STARD9: variants seen among roughly 807,000 people sequenced by gnomAD.
STARD9 encodes StAR related lipid transfer domain containing 9, also known as stAR-related lipid transfer protein 9.
Under a neutral mutation model 399.8 loss-of-function variants are expected in STARD9, and 346 were observed. The ratio of observed to expected loss-of-function variants is 0.87; its 90% CI spans 0.79 to 0.95. The LOEUF (loss-of-function observed/expected upper bound fraction) is 0.95. STARD9 is among the 40% of genes least tolerant of loss of function. The pLI, the probability that STARD9 is intolerant of heterozygous loss-of-function variation, is 0.00. For synonymous variants in STARD9, 2,203 were observed against 2,143.5 expected, an observed-to-expected ratio of 1.03 and a Z score of -0.77; for missense variants, 5,832 against 5,667.5, an observed-to-expected ratio of 1.03 and a Z score of -0.93.
intron 3 of STARD9, among the ~76,000 whole-genome samples, chr15:42,614,031 G>C (rs1331338292): frequency 6.6e-6 from 1 of 152,030 alleles, no homozygotes; most frequent in Non-Finnish European, 1.5e-5. Flanking sequence ...CAGTGTATCA[G>C]GCTGGGCACG....
intron 3 of STARD9, among the ~76,000 whole-genome samples, chr15:42,628,334 T>C (rs953422749): frequency 6.6e-6 from 1 of 152,216 alleles, no homozygotes; most frequent in South Asian, 2.1e-4. Context: ...TATTAATCCT[T>C]TGTCAGATGG....
At chr15:42,636,454 G>A (rs181169032) in intron 4 of STARD9, among the ~76,000 whole-genome samples, 21 of 152,096 alleles carry the variant, frequency 1.4e-4, no homozygotes, top group Middle Eastern at 3.4e-3. Context: ...GGTGGCGTGC[G>A]CCTGTAATCC....
chr15:42,693,160 C>G lies in STARD9; in HGVS notation c.11582C>G (p.Pro3861Arg), dbSNP rs897500466. ...TGCTTAGTTGTCAGCAGTCCCAGTC[C>G]CAGCTCCCCTCATTCCCCAGGGCTC... The part of the protein sequence containing the change: ...SYCLVVSSPS[P>R]SSPHSPGLFP... The change falls in exon 23 of 33, where the codon CCC (proline) becomes CGC (arginine). Residue 3861 changes from proline (P) to arginine (R), a missense_variant. This residue lies in a region of STARD9 where 5,828 missense variants were observed against 5,651.1 expected (regional missense o/e 1.03). Transcript: ENST00000290607. 1 of 1,537,166 alleles carries G rather than the reference C, an allele frequency of 6.5e-7. No homozygotes were observed. Among genetic ancestry groups the G allele is most frequent in the Non-Finnish European group, 8.7e-7 (1 of 1,146,902 alleles).
At chr15:42,670,416 G>A (rs1173564104) in intron 16 of STARD9, 1 of 152,218 alleles carries the variant, frequency 6.6e-6, no homozygotes, top group Non-Finnish European at 1.5e-5. Context: ...GATTGAAGTG[G>A]TTTTGAGAGT....
chr15:42,625,130 G>T (rs1296702520), intron 3 of STARD9, among the ~76,000 whole-genome samples: 1 of 150,904 alleles, frequency 6.6e-6, no homozygotes, highest in East Asian at 2.0e-4. Flanking sequence ...AGGTTCAAAC[G>T]ATTCTCCTGC....
At chr15:42,667,745 C>T (rs887806973) in intron 15 of STARD9, among the ~76,000 whole-genome samples, 1 of 152,190 alleles carries the variant, frequency 6.6e-6, no homozygotes, top group Non-Finnish European at 1.5e-5. Flanking sequence ...TCCCAAAGTG[C>T]TGGGATTACA....
intron 3 of STARD9, among the ~76,000 whole-genome samples, chr15:42,606,075 T>C (rs1009850712): frequency 1.3e-5 from 2 of 152,210 alleles, no homozygotes; most frequent in African/African-American, 4.8e-5. Context: ...CCAGCTTGCT[T>C]CAATGGGAAG....
intron 30 of STARD9, 63 bp from the exon 31 acceptor site, chr15:42,718,372 G>A: frequency 1.4e-6 from 2 of 1,402,896 alleles, no homozygotes; most frequent in Non-Finnish European, 1.9e-6. Flanking sequence ...TCCCTGACCA[G>A]GAAGGCTTTA....
At chr15:42,584,009 C>G (rs2058225047) in intron 2 of STARD9, among the ~76,000 whole-genome samples, 2 of 152,052 alleles carry the variant, frequency 1.3e-5, no homozygotes, top group Admixed American at 6.6e-5. Flanking sequence ...ACCCCTCAGT[C>G]TCCCTTAGGG....
In STARD9 at chr15:42,688,959, G is replaced by T; in HGVS notation, c.7381G>T (p.Asp2461Tyr). The change falls in exon 23 of 33, where the codon GAT becomes TAT. Residue 2461 changes from aspartate to tyrosine, a missense_variant. By Grantham distance (160) the Asp-to-Tyr change is radical. Around this residue, in one of 2 missense-constraint regions of STARD9, gnomAD observed 5,828 missense variants for 5,651.1 expected, o/e 1.03. Coordinates refer to ENST00000290607, the MANE Select transcript of STARD9 (RefSeq NM_020759.3). ...CTTGCTGGGTTTCAGTACCAGTGAA[G>T]ATTTTGCTTCTGAAGCCGAGGTGGC... is the stretch of plus-strand genomic sequence containing the variant. The part of the protein sequence containing the change: ...ITLLGFSTSE[D>Y]FASEAEVAVQ... The T allele has an allele frequency of 6.5e-7, 1 of 1,537,442 alleles. No homozygotes were observed. The highest frequency in any genetic ancestry group is 1.4e-5 in the African/African-American group (1 of 73,170).
intron 7 of STARD9, among the ~76,000 whole-genome samples, chr15:42,645,590 G>A (rs1233698636): frequency 6.6e-6 from 1 of 150,608 alleles, no homozygotes; most frequent in Non-Finnish European, 1.5e-5. Flanking sequence ...GAGAGAGGGA[G>A]GGTCTTGCTC....
intron 3 of STARD9, among the ~76,000 whole-genome samples, chr15:42,596,244 CA>C (rs1444546235): frequency 6.6e-6 from 1 of 152,162 alleles, no homozygotes; most frequent in Non-Finnish European, 1.5e-5. Flanking sequence ...GCAGCCTAAG[CA>C]TAAATGGAGA....
chr15:42,719,149 T>C (rs2061405706), intron 32 of STARD9, among the ~76,000 whole-genome samples: 2 of 152,182 alleles, frequency 1.3e-5, no homozygotes, highest in Admixed American at 6.5e-5. Flanking sequence ...GAAAACCTAG[T>C]GACCTGCATC....
intron 6 of STARD9, 52 bp downstream of exon 6, chr15:42,638,139 A>G: frequency 6.8e-7 from 1 of 1,465,402 alleles, no homozygotes; most frequent in Non-Finnish European, 9.2e-7. Context: ...TCTACTCCAA[A>G]TTCTACCATG....
At chr15:42,638,387 A>G (rs375450076) in intron 6 of STARD9, among the ~76,000 whole-genome samples, 1 of 152,116 alleles carries the variant, frequency 6.6e-6, no homozygotes, top group Non-Finnish European at 1.5e-5. Flanking sequence ...TCATGTTTGA[A>G]ATTCACTCAA....
rs775654160 is a variant in STARD9, at chr15:42,686,172, T to C, written c.4594T>C (p.Leu1532=). ...TTCTAGCAAAGGAGGAGATACTCTA[T>C]TGCCAGTTGGCCCTAGGGTATCTAG... ...QASSKGGDTL[L]PVGPRVSSNL... The change falls in exon 23 of 33, where the codon TTG becomes CTG. Residue 1532 remains leucine, a synonymous_variant. Transcript: ENST00000290607. The C allele has an allele frequency of 6.5e-7, 1 of 1,537,414 alleles. No homozygotes were observed. The highest frequency in any genetic ancestry group is 8.7e-7 in the Non-Finnish European group (1 of 1,146,930).
intron 3 of STARD9, among the ~76,000 whole-genome samples, chr15:42,608,337 A>T (rs957936808): frequency 3.3e-5 from 5 of 152,156 alleles, no homozygotes; most frequent in Non-Finnish European, 7.3e-5. Flanking sequence ...TGCTGTTCAG[A>T]TGAACACATA....
intron 3 of STARD9, among the ~76,000 whole-genome samples, chr15:42,597,929 C>T (rs1015672356): frequency 1.3e-5 from 2 of 151,666 alleles, no homozygotes; most frequent in Non-Finnish European, 2.9e-5. Flanking sequence ...CCTCAGCCTC[C>T]CAAAGTGCTG....
chr15:42,601,207 C>T (rs986741254), intron 3 of STARD9, among the ~76,000 whole-genome samples: 2 of 152,082 alleles, frequency 1.3e-5, no homozygotes, highest in African/African-American at 4.8e-5. Flanking sequence ...TAACAGCATC[C>T]CAAGGCAGAA....
Sources: allele counts gnomAD v4.1 joint callset (sites outside exome capture counted in the v4.1 genomes callset), GRCh38; gene constraint gnomAD v4.1.1; regional missense constraint gnomAD v4.1.1; transcripts MANE v1.5; gene names NCBI Gene and HGNC (gene_info 2026-07-23, HGNC 2026-07-21).